Variants in TERT observed in about 807,000 individuals in gnomAD.
TERT encodes the protein telomerase catalytic subunit.
Under a neutral mutation model 104.0 loss-of-function variants are expected in TERT, and 42 were observed. The ratio of observed to expected loss-of-function variants is 0.40; its 90% CI spans 0.32 to 0.52. TERT has a LOEUF of 0.52. Ranked by LOEUF, TERT falls within the 20% of genes least tolerant of loss-of-function variation. The pLI is 0.43. For synonymous variants in TERT, 781 were observed against 725.6 expected, an observed-to-expected ratio of 1.08 and a Z score of -1.23; for missense variants, 1,101 against 1,610.3, an observed-to-expected ratio of 0.68 and a Z score of 5.41.
At chr5:1,253,959 G>T in intron 15 of TERT, 128 bp from the exon 16 acceptor site, 1 of 1,027,012 alleles carries the variant, frequency 9.7e-7, no homozygotes, top group Non-Finnish European at 1.5e-6. Flanking sequence ...GGGAACCTCA[G>T]TGAAGGGACA....
chr5:1,277,017 T>G (rs1478387574), intron 6 of TERT, among the ~76,000 whole-genome samples: 1 of 152,178 alleles, frequency 6.6e-6, no homozygotes, highest in Non-Finnish European at 1.5e-5. Flanking sequence ...AAGCCGATGA[T>G]GGCAGGCAGG....
At chr5:1,275,498 C>T (rs945441452) in intron 6 of TERT, among the ~76,000 whole-genome samples, 1 of 152,158 alleles carries the variant, frequency 6.6e-6, no homozygotes, top group Non-Finnish European at 1.5e-5. Context: ...GGCCTGGAAG[C>T]CCTGCCCACC....
At chr5:1,289,169 G>A (rs1439443295) in intron 2 of TERT, among the ~76,000 whole-genome samples, 7 of 149,550 alleles carry the variant, frequency 4.7e-5, no homozygotes, top group Admixed American at 6.6e-5. Flanking sequence ...CCCGGGGGCC[G>A]CAACTCACTC....
In TERT at chr5:1,255,670, T is replaced by C. The variant is rs559666787; in HGVS notation, c.3033-259A>G. On this transcript the variant is annotated intron_variant, in intron 13 of 15. Coordinates refer to ENST00000310581, the MANE Select transcript of TERT (RefSeq NM_198253.3). The surrounding 1 kb of genome is among the most constrained non-coding windows in gnomAD (Gnocchi z 6.9). ...TCTGTATGAACACGCATGTGGAGGC[T>C]GAAGCAGCTCCATCCTGGATGCCAG... Among the ~76,000 whole-genome samples, 21 of 152,354 alleles carry C rather than the reference T, an allele frequency of 1.4e-4. No homozygotes were observed. The highest frequency in any genetic ancestry group is 6.8e-3 in the Middle Eastern group (2 of 294).
chr5:1,295,063 G>A lies in TERT; in HGVS notation c.-74C>T, dbSNP rs1027528638. 30 of 1,116,540 alleles carry A rather than the reference G, an allele frequency of 2.7e-5. No homozygotes were observed. Among genetic ancestry groups the A allele is most frequent in the Non-Finnish European group, 3.2e-5 (28 of 875,402 alleles). 69.2% of individuals were successfully genotyped at this position (1,116,540 alleles called of 1,614,324 possible). The stretch of plus-strand genomic sequence containing the variant: ...GCGCTGCCTGAAACTCGCGCCGCGA[G>A]GAGAGGGCGGGGCCGCGGAAAGGAA... On this transcript the variant is annotated 5_prime_UTR_variant, in exon 1 of 16. Transcript: ENST00000310581.
In TERT at chr5:1,272,238, C is replaced by T. The variant is rs1554040129; in HGVS notation, c.2329G>A (p.Val777Met). ...TDLQPYMRQF[V>M]AHLQETSPLR... is the part of the protein sequence containing the mutation. ...GGGCTGGTCTCCTGCAGGTGAGCCA[C>T]GAACTGTCGCATGTACGGCTGGAGG... The change falls in exon 7 of 16, where the codon GTG becomes ATG. Residue 777 changes from valine to methionine, a missense_variant. Coordinates refer to ENST00000310581, the MANE Select transcript of TERT (RefSeq NM_198253.3). 5.0e-6 allele frequency: 8 copies of T among 1,612,868 alleles called. No individual in the cohort carries two copies. Among genetic ancestry groups the T allele is most frequent in the African/African-American group, 1.3e-5 (1 of 75,026 alleles).
At chr5:1,272,512 C>T (rs1425145605) in intron 6 of TERT, among the ~76,000 whole-genome samples, 2 of 151,126 alleles carry the variant, frequency 1.3e-5, no homozygotes, top group Admixed American at 1.3e-4. Context: ...ACATCAGACC[C>T]CTGTGACCGA....
chr5:1,258,705 G>T (rs1561189313), intron 12 of TERT, 46 bp from the exon 13 acceptor site: 2 of 1,502,630 alleles, frequency 1.3e-6, no homozygotes, highest in East Asian at 4.9e-5. Context: ...ACCTCTCTGG[G>T]ATTTTAAGTT....
chr5:1,272,395 G>A (rs1344883242), intron 6 of TERT, 115 bp from the exon 7 acceptor site: 4 of 958,576 alleles, frequency 4.2e-6, no homozygotes, highest in Non-Finnish European at 6.6e-6. Flanking sequence ...ATGGCGGGAT[G>A]AAGCCCAGAG....
Position 1,268,709 on chromosome 5 carries a change from C to T in TERT, c.2469-76G>A, listed in dbSNP as rs1315876047. ...GCGTACACTCAAACCGAGCCACACACAGACACAGAACCTCATACACACAAA... is the reference window on the plus strand; with the variant it reads ...GCGTACACTCAAACCGAGCCACACATAGACACAGAACCTCATACACACAAA... On this transcript the variant is annotated intron_variant, in intron 8 of 15. Transcript: ENST00000310581. This position sits in a 1 kb window ranked among gnomAD's most constrained non-coding sequence, Gnocchi z 5.5. 1.9e-5 allele frequency: 19 copies of T among 983,808 alleles called. No homozygotes were observed. The highest frequency in any genetic ancestry group is 3.1e-5 in the Non-Finnish European group (19 of 619,534). 60.9% of individuals were successfully genotyped at this position (983,808 alleles called of 1,614,324 possible).
Position 1,291,934 on chromosome 5 carries a change from G to A in TERT, c.1573+1379C>T, listed in dbSNP as rs559544896. Among the ~76,000 whole-genome samples, 7 of 152,310 alleles carry A rather than the reference G, an allele frequency of 4.6e-5. No individual in the cohort carries two copies. In the East Asian group the frequency reaches 9.6e-4, roughly 21 times the overall value. ...GGGTTGCATGACGCTTATCTGACTCGGCGTGGTCCACCTGAGCCGCAGCAG... is the reference window on the plus strand; with the variant it reads ...GGGTTGCATGACGCTTATCTGACTCAGCGTGGTCCACCTGAGCCGCAGCAG... On this transcript the variant is annotated intron_variant, in intron 2 of 15. Transcript: ENST00000310581.
In TERT at chr5:1,271,261, G is replaced by A. The variant is rs1159161227; in HGVS notation, c.2383-57C>T. 6 of 1,298,026 alleles carry A rather than the reference G, an allele frequency of 4.6e-6. No homozygotes were observed. In the Admixed American group the frequency reaches 5.2e-5, roughly 11 times the overall value. The allele number at this position is 1,298,026 out of a possible 1,614,324, so 80.4% of individuals were successfully genotyped here. On this transcript the variant is annotated intron_variant, in intron 7 of 15. Transcript: ENST00000310581. ...GAGCCGGTGGGTGCTGAGACAGGCA[G>A]GACCACGTGGCCAAGACCCTCCGTC...
chr5:1,266,896 G>A (rs1206234716), intron 9 of TERT, among the ~76,000 whole-genome samples: 2 of 152,210 alleles, frequency 1.3e-5, no homozygotes, highest in Non-Finnish European at 2.9e-5. Flanking sequence ...GCCACGTGGT[G>A]CCCTTTACCA....
At chr5:1,272,569 G>C in intron 6 of TERT, among the ~76,000 whole-genome samples, 1 of 36,802 alleles carries the variant, frequency 2.7e-5, no homozygotes, top group Non-Finnish European at 5.9e-5. Context: ...GCCATCCACA[G>C]TCACCACATC....
intron 7 of TERT, 104 bp downstream of exon 7, chr5:1,272,081 G>GC: frequency 6.0e-6 from 6 of 993,324 alleles, no homozygotes; most frequent in Admixed American, 2.0e-5. Context: ...TCCCCCCACT[G>GC]CCCCCCAGGG....
At position 1,288,052 on chromosome 5, in the gene TERT, A is replaced by G. The variant is rs1160808591; in HGVS notation, c.1573+5261T>C. Among the ~76,000 whole-genome samples the G allele has an allele frequency of 6.6e-6, 1 of 152,196 alleles. No homozygotes were observed. The highest frequency in any genetic ancestry group is 1.5e-5 in the Non-Finnish European group (1 of 68,032). ...TACTCTACATATCTTGAACATAAAC[A>G]GTGTTCAAATAACTCACTGCTCAAA... On this transcript the variant is annotated intron_variant, in intron 2 of 15. Coordinates refer to ENST00000310581, the MANE Select transcript of TERT (RefSeq NM_198253.3). The surrounding 1 kb of genome is among the most constrained non-coding windows in gnomAD (Gnocchi z 5.3).
rs947899328 is a variant in TERT at position 1,292,544 on chromosome 5, C to T, written c.1573+769G>A. 2.0e-5 allele frequency among the ~76,000 whole-genome samples: 3 copies of T among 151,952 alleles called. No individual in the cohort carries two copies. The highest frequency in any genetic ancestry group is 4.4e-5 in the Non-Finnish European group (3 of 68,014). On this transcript the variant is annotated intron_variant, in intron 2 of 15. Transcript: ENST00000310581. This position sits in a 1 kb window ranked among gnomAD's most constrained non-coding sequence, Gnocchi z 5.5. ...TTTTTTTTTTAAAGACAGAGTTTCACTCTTGTCGCCCAGGCTGGAGTACAA... is the reference window on the plus strand; with the variant it reads ...TTTTTTTTTTAAAGACAGAGTTTCATTCTTGTCGCCCAGGCTGGAGTACAA...
intron 5 of TERT, 124 bp downstream of exon 5, chr5:1,279,167 G>C: frequency 8.7e-7 from 1 of 1,150,426 alleles, no homozygotes; most frequent in African/African-American, 1.5e-5. Flanking sequence ...CCTCAACAGT[G>C]ACAGGGTCAC....
rs1008095857 is a variant in TERT at position 1,280,890 on chromosome 5, C to T, written c.1770-552G>A. ...TCCCCCAAAACCACCCATGGGGGCA[C>T]GGGGGCTGGAGCGGCCACACCTGGA... is the stretch of plus-strand genomic sequence containing the variant. On this transcript the variant is annotated intron_variant, in intron 3 of 15. Transcript: ENST00000310581. Among the ~76,000 whole-genome samples, 16 of 152,256 alleles carry T rather than the reference C, an allele frequency of 1.1e-4. No individual in the cohort carries two copies. The South Asian group carries it at 1.7e-3, about 16-fold the overall frequency.
Sources: allele counts gnomAD v4.1 joint callset (sites outside exome capture counted in the v4.1 genomes callset), GRCh38; gene constraint gnomAD v4.1.1; non-coding constraint Gnocchi (gnomAD v3.1); transcripts MANE v1.5; gene names NCBI Gene and HGNC (gene_info 2026-07-23, HGNC 2026-07-21).